Variants in LOC400499 observed in about 807,000 individuals in gnomAD.
chr16:11,428,212 T>C, the LOC400499 span, among the ~76,000 whole-genome samples: 1 of 150,896 alleles, frequency 6.6e-6, no homozygotes, highest in Admixed American at 6.5e-5. Context: ...TTCGCTCTTG[T>C]TGCCCAGGCT....
At chr16:11,421,947 C>A in the LOC400499 span, among the ~76,000 whole-genome samples, 1 of 152,206 alleles carries the variant, frequency 6.6e-6, no homozygotes, top group African/African-American at 2.4e-5. Flanking sequence ...TTTACTACAA[C>A]AAGAAATGTG....
chr16:11,470,954 A>T, the LOC400499 span, among the ~76,000 whole-genome samples: 50,034 of 152,120 alleles, frequency 0.33, 8,652 homozygotes, highest in Admixed American at 0.44. Flanking sequence ...TGTGGCCTTG[A>T]AAAAGGGGCC....
At chr16:11,449,600 T>G in the LOC400499 span, among the ~76,000 whole-genome samples, 8 of 152,348 alleles carry the variant, frequency 5.3e-5, no homozygotes, top group Admixed American at 3.9e-4. Flanking sequence ...CACCATCCCT[T>G]GTTCACACAA....
the LOC400499 span, among the ~76,000 whole-genome samples, chr16:11,497,751 GA>G: frequency 6.6e-6 from 1 of 152,126 alleles, no homozygotes; most frequent in Admixed American, 6.5e-5. Flanking sequence ...GATGAACCCA[GA>G]AGGGCCAGCC....
the LOC400499 span, among the ~76,000 whole-genome samples, chr16:11,410,911 C>G: frequency 6.6e-6 from 1 of 152,240 alleles, no homozygotes; most frequent in Admixed American, 6.5e-5. Flanking sequence ...GCTGGCTCAG[C>G]TCCAAAGGGC....
At chr16:11,463,624 A>C in the LOC400499 span, among the ~76,000 whole-genome samples, 4 of 152,208 alleles carry the variant, frequency 2.6e-5, no homozygotes, top group Admixed American at 2.6e-4. Flanking sequence ...GAATGTATGC[A>C]TACAGATATG....
the LOC400499 span, chr16:11,404,910 T>A: frequency 2.3e-5 from 9 of 398,672 alleles, no homozygotes; most frequent in African/African-American, 1.8e-4. Flanking sequence ...GACCCATGCT[T>A]CTGCCTGGGA....
the LOC400499 span, chr16:11,372,400 C>G: frequency 6.6e-6 from 1 of 152,274 alleles, no homozygotes; most frequent in African/African-American, 2.4e-5. Context: ...GTGAATAAAT[C>G]TCTTGGGCAT....
chr16:11,496,982 G>T, the LOC400499 span, among the ~76,000 whole-genome samples: 1 of 151,516 alleles, frequency 6.6e-6, no homozygotes, highest in African/African-American at 2.4e-5. Context: ...TCCCCATGTG[G>T]GTGTCCTGGG....
the LOC400499 span, among the ~76,000 whole-genome samples, chr16:11,440,474 C>T: frequency 2.0e-5 from 3 of 152,216 alleles, no homozygotes; most frequent in Non-Finnish European, 4.4e-5. Flanking sequence ...TCCTGAGAGA[C>T]TGCATGGAGC....
the LOC400499 span, among the ~76,000 whole-genome samples, chr16:11,445,603 C>T: frequency 4.0e-5 from 6 of 151,824 alleles, no homozygotes; most frequent in African/African-American, 1.5e-4. Context: ...GCAGAGGTCC[C>T]GAGGCAGGAA....
At chr16:11,375,814 C>G in the LOC400499 span, among the ~76,000 whole-genome samples, 1 of 150,548 alleles carries the variant, frequency 6.6e-6, no homozygotes, top group Non-Finnish European at 1.5e-5. Flanking sequence ...ACCGCAACCT[C>G]TGCCTCCCAG....
At chr16:11,492,827 A>C in the LOC400499 span, among the ~76,000 whole-genome samples, 12 of 151,956 alleles carry the variant, frequency 7.9e-5, no homozygotes, top group Admixed American at 3.3e-4. Context: ...TAAGGAAGGG[A>C]AAATGAAATG....
At chr16:11,472,097 G>A in the LOC400499 span, 26 of 335,422 alleles carry the variant, frequency 7.8e-5, no homozygotes, top group Non-Finnish European at 1.3e-4. Flanking sequence ...CTAGATGCCA[G>A]TAACCCCTAC....
the LOC400499 span, among the ~76,000 whole-genome samples, chr16:11,428,470 G>A: frequency 4.6e-5 from 7 of 152,182 alleles, no homozygotes; most frequent in East Asian, 5.8e-4. Flanking sequence ...CACCGCGGCC[G>A]GCCCATCCCT....
At chr16:11,503,553 G>T in the LOC400499 span, among the ~76,000 whole-genome samples, 1 of 152,148 alleles carries the variant, frequency 6.6e-6, no homozygotes, top group African/African-American at 2.4e-5. Context: ...CCCACCCAGA[G>T]GTCCTCCGAG....
the LOC400499 span, chr16:11,441,103 G>C: frequency 7.5e-6 from 3 of 398,868 alleles, no homozygotes; most frequent in Non-Finnish European, 1.3e-5. Flanking sequence ...CAGGGGCACT[G>C]AGAGAGGTCT....
chr16:11,498,306 T>C, the LOC400499 span, among the ~76,000 whole-genome samples: 1 of 151,870 alleles, frequency 6.6e-6, no homozygotes, highest in African/African-American at 2.4e-5. Flanking sequence ...CATGGTGAAA[T>C]CCCATTTCTA....
At chr16:11,506,803 G>A in the LOC400499 span, among the ~76,000 whole-genome samples, 5 of 152,136 alleles carry the variant, frequency 3.3e-5, no homozygotes, top group Non-Finnish European at 7.4e-5. Flanking sequence ...CAATGGGGAG[G>A]GGCAGAGGCA....
Sources: gnomAD v4.1 joint callset for allele counts (sites outside exome capture counted in the v4.1 genomes callset) on GRCh38, gnomAD v4.1.1 for gene constraint, MANE v1.5 for transcripts.